The following ANPEP variants were observed in gnomAD, a reference collection of about 807,000 sequenced individuals.
ANPEP encodes alanyl aminopeptidase, membrane, also known as aminopeptidase N.
A neutral mutation model predicts 114.6 loss-of-function variants in ANPEP; 70 were observed. The ratio of observed to expected loss-of-function variants is 0.61; its 90% confidence interval spans 0.50 to 0.75. The LOEUF is 0.75. Among genes scored for constraint, ANPEP ranks in the 30% least tolerant of loss-of-function variants. The pLI, the probability that ANPEP is intolerant of heterozygous loss-of-function variation, is 0.00. For missense variants in ANPEP, 1,184 were observed against 1,259.5 expected (o/e 0.94, Z 0.91); for synonymous variants, 548 against 522.3 (o/e 1.05, Z -0.67).
intron 4 of ANPEP, 23 bp downstream of exon 4, chr15:89,805,055 G>C: frequency 6.2e-7 from 1 of 1,613,928 alleles, no homozygotes; most frequent in Non-Finnish European, 8.5e-7. Context: ...CCACGTGAAG[G>C]AGAGATGGGC....
In ANPEP at chr15:89,801,610, G is replaced by A; in HGVS notation, c.1570-3C>T. The A allele has an allele frequency of 6.2e-7, 1 of 1,613,200 alleles. No homozygotes were observed. Among genetic ancestry groups the A allele is most frequent in the Non-Finnish European group, 8.5e-7 (1 of 1,179,416 alleles). On this transcript the variant is annotated splice_polypyrimidine_tract_variant and splice_region_variant and intron_variant, in intron 10 of 20. Coordinates refer to ENST00000300060, the MANE Select transcript of ANPEP (RefSeq NM_001150.3). ...TGGATGGACCGGTTGTTCACAGCCTGTGGGTGGAGCGAGAGGGCGTGGCCA... is the reference window on the plus strand; with the variant it reads ...TGGATGGACCGGTTGTTCACAGCCTATGGGTGGAGCGAGAGGGCGTGGCCA...
intron 10 of ANPEP, 137 bp from the exon 11 acceptor site, chr15:89,801,744 G>A: frequency 9.8e-7 from 1 of 1,021,350 alleles, no homozygotes; most frequent in East Asian, 2.6e-5. Context: ...TGGGCTGGGA[G>A]CCGGGAGCCA....
At chr15:89,798,703 A>G (rs192967936) in intron 14 of ANPEP, among the ~76,000 whole-genome samples, 22 of 150,580 alleles carry the variant, frequency 1.5e-4, no homozygotes, top group African/African-American at 4.6e-4. Context: ...GCACTTTGGG[A>G]AGCCGAGGTG....
chr15:89,792,995 G>A, intron 16 of ANPEP, 40 bp downstream of exon 16: 1 of 1,548,488 alleles, frequency 6.5e-7, no homozygotes, highest in African/African-American at 1.4e-5. Flanking sequence ...GACTCCCCGG[G>A]GTGCCCAGGA....
chr15:89,790,022 G>A (rs1292251800), intron 20 of ANPEP, among the ~76,000 whole-genome samples: 2 of 141,812 alleles, frequency 1.4e-5, no homozygotes, highest in Non-Finnish European at 3.0e-5. Flanking sequence ...TCGCACCACT[G>A]CACTCCAGCC....
In ANPEP at chr15:89,803,409, A is replaced by G. The variant is rs1567160122; in HGVS notation, c.1503+33T>C. ...AAGGGCGAGGGGCAGAAGGAGACCC[A>G]CCCTCATGGCTGGCCCAGGGTGCAG... is the stretch of plus-strand genomic sequence containing the variant. On this transcript the variant is annotated intron_variant, in intron 9 of 20. Transcript: ENST00000300060. The surrounding 1 kb of genome is among the most constrained non-coding windows in gnomAD (Gnocchi z 4.2). The G allele has an allele frequency of 6.2e-7, 1 of 1,611,330 alleles. No individual in the cohort carries two copies. The highest frequency in any genetic ancestry group is 2.2e-5 in the East Asian group (1 of 44,798).
rs1332017586 is a variant in ANPEP at position 89,804,820 on chromosome 15, G to A, written c.898-203C>T. On this transcript the variant is annotated intron_variant, in intron 4 of 20. Coordinates refer to ENST00000300060, the MANE Select transcript of ANPEP (RefSeq NM_001150.3). Reference sequence around the variant, plus strand: ...TGGGTCCTAGAGAAGGGCCTTTGGAGAATAACAATCATCATAGCCACCGTC... The same window carrying A: ...TGGGTCCTAGAGAAGGGCCTTTGGAAAATAACAATCATCATAGCCACCGTC... 4.7e-6 allele frequency: 4 copies of A among 842,712 alleles called. No homozygotes were observed. The African/African-American group carries it at 6.9e-5, about 14-fold the overall frequency. The allele number at this position is 842,712 out of a possible 1,614,324, so 52.2% of individuals were successfully genotyped here. A position where few individuals can be genotyped will look rare whatever the true frequency, so the allele number is the denominator to read the frequency against.
At position 89,804,555 on chromosome 15, in the gene ANPEP, C is replaced by T. The variant is rs1567161111; in HGVS notation, c.960G>A (p.Val320=). 4 of 1,614,198 alleles carry T rather than the reference C, an allele frequency of 2.5e-6. No individual in the cohort carries two copies. The highest frequency in any genetic ancestry group is 3.4e-6 in the Non-Finnish European group (4 of 1,180,014). The part of the protein sequence containing the change: ...AAGHGDYALN[V]TGPILNFFAG... ...CAAAGAAGTTAAGGATGGGGCCCGT[C>T]ACGTTCAGGGCATAATCGCCGTGGC... The change falls in exon 5 of 21, where the codon GTG becomes GTA. Residue 320 remains valine, a synonymous_variant. Transcript: ENST00000300060.
chr15:89,785,543 A>G (rs1567152342), intron 20 of ANPEP, 42 bp from the exon 21 acceptor site: 1 of 1,611,402 alleles, frequency 6.2e-7, no homozygotes, highest in Non-Finnish European at 8.5e-7. Context: ...CTGGGTCCCT[A>G]ACAGCCTTGA....
intron 20 of ANPEP, among the ~76,000 whole-genome samples, chr15:89,788,551 G>A (rs1968547154): frequency 6.6e-6 from 1 of 152,146 alleles, no homozygotes; most frequent in Non-Finnish European, 1.5e-5. Context: ...GAATTAGACA[G>A]TAGTGATGGT....
chr15:89,809,458 G>T (rs1402349413), intron 1 of ANPEP, among the ~76,000 whole-genome samples: 1 of 152,194 alleles, frequency 6.6e-6, no homozygotes, highest in Non-Finnish European at 1.5e-5. Flanking sequence ...AAGGCCTCTG[G>T]TCTTCCAAGT....
At chr15:89,785,615 C>T in intron 20 of ANPEP, 114 bp from the exon 21 acceptor site, 1 of 1,429,180 alleles carries the variant, frequency 7.0e-7, no homozygotes, top group South Asian at 1.3e-5. Flanking sequence ...TGGATGGGAC[C>T]ACACCCTGTT....
At chr15:89,791,185 T>A in intron 18 of ANPEP, 92 bp from the exon 19 acceptor site, 1 of 1,415,462 alleles carries the variant, frequency 7.1e-7, no homozygotes, top group Admixed American at 2.0e-5. Flanking sequence ...TATGCCTGCA[T>A]CCTCTCAACA....
chr15:89,804,316 C>CAGGG lies in ANPEP; in HGVS notation c.1112_1115dup (p.Ser373ProfsTer18). The CAGGG allele has an allele frequency of 6.2e-7, 1 of 1,614,184 alleles. No individual in the cohort carries two copies. Among genetic ancestry groups the CAGGG allele is most frequent in the Non-Finnish European group, 8.5e-7 (1 of 1,180,024 alleles). ...GCTCCTTGTTGCTGCTGGAGGAGGA[C>CAGGG]AGGGGGTCGAACAGCAGGGAGTTCT... On this transcript the variant is annotated frameshift_variant, in exon 6 of 21. Transcript: ENST00000300060. LOFTEE classifies it high-confidence loss of function.
chr15:89,794,923 C>T (rs534042929), intron 15 of ANPEP, among the ~76,000 whole-genome samples: 108 of 152,246 alleles, frequency 7.1e-4, no homozygotes, highest in South Asian at 4.2e-4. Flanking sequence ...AGTTACTTGG[C>T]CACCCAGTCA....
At chr15:89,805,947 C>G in intron 2 of ANPEP, 23 bp downstream of exon 2, 1 of 1,565,830 alleles carries the variant, frequency 6.4e-7, no homozygotes. Context: ...TCCACCCCAC[C>G]GGGCAGCCCA....
At position 89,805,192 on chromosome 15, in the gene ANPEP, G is replaced by T; in HGVS notation, c.783C>A (p.Asp261Glu). Residue 261 changes from aspartate to glutamate, a missense_variant, in exon 4 of 21, where the codon GAC (aspartate) becomes GAA (glutamate). By Grantham distance (45) the Asp-to-Glu change is conservative (BLOSUM62 2). Transcript: ENST00000300060. The part of the protein sequence containing the change: ...PKGPSTPLPE[D>E]PNWNVTEFHT... Reference sequence around the variant, plus strand: ...GGAACTCAGTGACATTCCAGTTGGGGTCTTCTGGAAGTGGGGTGCTGGGAC... The same window carrying T: ...GGAACTCAGTGACATTCCAGTTGGGTTCTTCTGGAAGTGGGGTGCTGGGAC... 1 of 1,614,216 alleles carries T rather than the reference G, an allele frequency of 6.2e-7. No homozygotes were observed. The highest frequency in any genetic ancestry group is 8.5e-7 in the Non-Finnish European group (1 of 1,180,046).
chr15:89,805,271 C>G, intron 3 of ANPEP, 50 bp downstream of exon 3: 1 of 1,613,022 alleles, frequency 6.2e-7, no homozygotes. Flanking sequence ...CACACCCCAG[C>G]CCAGGGTGCC....
In ANPEP at chr15:89,803,115, C is replaced by A; in HGVS notation, c.1569+124G>T. On this transcript the variant is annotated intron_variant, in intron 10 of 20. Transcript: ENST00000300060. The surrounding 1 kb of genome is among the most constrained non-coding windows in gnomAD (Gnocchi z 4.2). Reference sequence around the variant, plus strand: ...TAGGGAGGAGCAACAGAGGCTCCATCCACCCTGCAGGGCTGGTCAGCCGCG... The same window carrying A: ...TAGGGAGGAGCAACAGAGGCTCCATACACCCTGCAGGGCTGGTCAGCCGCG... 9.1e-7 allele frequency: 1 copy of A among 1,093,330 alleles called. No individual in the cohort carries two copies. Among genetic ancestry groups the A allele is most frequent in the Non-Finnish European group, 1.4e-6 (1 of 720,474 alleles). The allele number at this position is 1,093,330 out of a possible 1,614,324, so 67.7% of individuals were successfully genotyped here.
Sources: allele counts gnomAD v4.1 joint callset (sites outside exome capture counted in the v4.1 genomes callset), GRCh38; gene constraint gnomAD v4.1.1; non-coding constraint Gnocchi (gnomAD v3.1); transcripts MANE v1.5; gene names NCBI Gene and HGNC (gene_info 2026-07-23, HGNC 2026-07-21).